The following KCNH8 variants were observed in gnomAD, a reference collection of about 807,000 sequenced individuals.
The protein encoded by KCNH8 is voltage-gated delayed rectifier potassium channel KCNH8.
Under a neutral mutation model 103.6 loss-of-function variants are expected in KCNH8, and 70 were observed. The observed-to-expected ratio is 0.68, with a 90% CI of 0.56 to 0.82. KCNH8 has a LOEUF of 0.82. Among genes scored for constraint, KCNH8 ranks in the 40% least tolerant of loss-of-function variants. The pLI is 0.00. For synonymous variants in KCNH8, 498 were observed against 489.4 expected (o/e 1.02, Z -0.23); for missense variants, 1,217 against 1,329.9 (o/e 0.92, Z 1.32).
In KCNH8 at chr3:19,347,719, C is replaced by A. The variant is rs1398657392; in HGVS notation, c.571-6C>A. ...TCCTTTCTCTCCTTTTTGTCTTCATCCACAGAATGTTTTTGTAGATAAACC... is the reference window on the plus strand; with the variant it reads ...TCCTTTCTCTCCTTTTTGTCTTCATACACAGAATGTTTTTGTAGATAAACC... On this transcript the variant is annotated splice_polypyrimidine_tract_variant and splice_region_variant and intron_variant, in intron 4 of 15. Transcript: ENST00000328405. The A allele has an allele frequency of 1.9e-6, 3 of 1,611,790 alleles. No individual in the cohort carries two copies. The highest frequency in any genetic ancestry group is 1.7e-5 in the Admixed American group (1 of 59,684).
At chr3:19,424,321 A>G (rs573589682) in intron 7 of KCNH8, among the ~76,000 whole-genome samples, 1 of 152,198 alleles carries the variant, frequency 6.6e-6, no homozygotes, top group East Asian at 1.9e-4. Context: ...CTTACAACCA[A>G]CTGATCTTCA....
intron 10 of KCNH8, among the ~76,000 whole-genome samples, chr3:19,451,812 A>T (rs1356311327): frequency 1.3e-5 from 2 of 152,182 alleles, no homozygotes; most frequent in Non-Finnish European, 2.9e-5. Context: ...ACAAAAATTA[A>T]ATTGTACCTG....
intron 11 of KCNH8, among the ~76,000 whole-genome samples, chr3:19,477,985 T>C (rs1031611950): frequency 6.6e-6 from 1 of 152,146 alleles, no homozygotes; most frequent in Non-Finnish European, 1.5e-5. Context: ...ATACCCATTG[T>C]TTAGCTCCCA....
chr3:19,239,743 G>A (rs940327450), intron 1 of KCNH8, among the ~76,000 whole-genome samples: 1 of 151,704 alleles, frequency 6.6e-6, no homozygotes, highest in African/African-American at 2.4e-5. Context: ...GCTTTATAAT[G>A]TGGCTACCTT....
chr3:19,267,288 C>T (rs2064525622), intron 2 of KCNH8, among the ~76,000 whole-genome samples: 1 of 152,030 alleles, frequency 6.6e-6, no homozygotes, highest in South Asian at 2.1e-4. Context: ...CAGAAATCCC[C>T]ATGCCTGATG....
intron 3 of KCNH8, among the ~76,000 whole-genome samples, chr3:19,322,001 A>G (rs910932040): frequency 6.6e-6 from 1 of 152,050 alleles, no homozygotes; most frequent in African/African-American, 2.4e-5. Flanking sequence ...ATATAAGAAT[A>G]GCTACTACTA....
At chr3:19,479,362 G>A (rs2068041762) in intron 11 of KCNH8, among the ~76,000 whole-genome samples, 1 of 152,052 alleles carries the variant, frequency 6.6e-6, no homozygotes, top group African/African-American at 2.4e-5. Flanking sequence ...GGATGAAATT[G>A]GAAAATGTTA....
At chr3:19,355,190 C>T (rs2065863266) in intron 5 of KCNH8, among the ~76,000 whole-genome samples, 1 of 152,202 alleles carries the variant, frequency 6.6e-6, no homozygotes, top group Non-Finnish European at 1.5e-5. Flanking sequence ...GAGGTACCAT[C>T]TCACACCAGT....
chr3:19,500,921 AAGATC>A (rs1437201576), intron 11 of KCNH8, among the ~76,000 whole-genome samples: 2 of 152,206 alleles, frequency 1.3e-5, no homozygotes, highest in Non-Finnish European at 2.9e-5. Context: ...AGAAATAACT[AAGATC>A]AGAGCAGAAC....
At chr3:19,379,780 C>T (rs948742431) in intron 5 of KCNH8, among the ~76,000 whole-genome samples, 8 of 152,138 alleles carry the variant, frequency 5.3e-5, no homozygotes, top group Non-Finnish European at 1.0e-4. Context: ...GAAAACAATT[C>T]CTTGGAATAA....
chr3:19,502,175 G>T lies in KCNH8; in HGVS notation c.2041-8188G>T, dbSNP rs907445451. 2.0e-5 allele frequency among the ~76,000 whole-genome samples: 3 copies of T among 150,366 alleles called. No homozygotes were observed. In the East Asian group the frequency reaches 5.8e-4, roughly 29 times the overall value. ...CATGAGTGAACTCCCATTCACAATT[G>T]CTTCAAAGAGAATAAAATACCTAGG... On this transcript the variant is annotated intron_variant, in intron 11 of 15. Coordinates refer to ENST00000328405, the MANE Select transcript of KCNH8 (RefSeq NM_144633.3).
intron 7 of KCNH8, among the ~76,000 whole-genome samples, chr3:19,436,969 A>G (rs776209283): frequency 2.0e-5 from 3 of 152,210 alleles, no homozygotes; most frequent in Non-Finnish European, 2.9e-5. Context: ...GGAATAAGGC[A>G]CAGTACTTGC....
In KCNH8 at chr3:19,321,735, T is replaced by G. The variant is rs551650737; in HGVS notation, c.443-20852T>G. ...TAGTTTAAGTCCATGGTTTCTTTGT[T>G]GACTTTCTGTCCTGATGACCTGTCT... On this transcript the variant is annotated intron_variant, in intron 3 of 15. Coordinates refer to ENST00000328405, the MANE Select transcript of KCNH8 (RefSeq NM_144633.3). Among the ~76,000 whole-genome samples the G allele has an allele frequency of 2.0e-5, 3 of 152,236 alleles. No individual in the cohort carries two copies. In the South Asian group the frequency reaches 6.2e-4, roughly 32 times the overall value.
At chr3:19,331,970 A>G (rs114584174) in intron 3 of KCNH8, among the ~76,000 whole-genome samples, 2,808 of 152,148 alleles carry the variant, frequency 0.018, 81 homozygotes, top group African/African-American at 0.061. Flanking sequence ...AAAATGGCCA[A>G]TATCAGAATA....
intron 5 of KCNH8, among the ~76,000 whole-genome samples, chr3:19,370,338 C>T (rs2066071409): frequency 6.6e-6 from 1 of 152,036 alleles, no homozygotes; most frequent in South Asian, 2.1e-4. Flanking sequence ...TCAGGTGCTT[C>T]ATAAATACTG....
Position 19,531,971 on chromosome 3 carries a change from CATTAT to C in KCNH8, c.2620-1423_2620-1419del, listed in dbSNP as rs1390093885. Among the ~76,000 whole-genome samples the C allele has an allele frequency of 5.3e-5, 8 of 152,298 alleles. No individual in the cohort carries two copies. The South Asian group carries it at 6.2e-4, about 12-fold the overall frequency. ...TTATAGCAATGAAGGCAAAACATTA[CATTAT>C]GTTAGTATTATGAATCTAACCAAAG... On this transcript the variant is annotated intron_variant, in intron 15 of 15. Coordinates refer to ENST00000328405, the MANE Select transcript of KCNH8 (RefSeq NM_144633.3).
chr3:19,499,896 A>G (rs1337358663), intron 11 of KCNH8, among the ~76,000 whole-genome samples: 2 of 152,146 alleles, frequency 1.3e-5, no homozygotes, highest in South Asian at 2.1e-4. Flanking sequence ...GAGCAAAATA[A>G]CCAGCTAACA....
At chr3:19,294,127 TA>T (rs1415112803) in intron 3 of KCNH8, among the ~76,000 whole-genome samples, 1 of 152,206 alleles carries the variant, frequency 6.6e-6, no homozygotes, top group African/African-American at 2.4e-5. Flanking sequence ...TGGCTTTGAA[TA>T]GAATCTCTGT....
intron 12 of KCNH8, among the ~76,000 whole-genome samples, chr3:19,512,086 T>C (rs1171085568): frequency 6.6e-6 from 1 of 152,186 alleles, no homozygotes; most frequent in Non-Finnish European, 1.5e-5. Flanking sequence ...GATTCAATTT[T>C]CAAAAAAGAC....
Sources: allele counts gnomAD v4.1 joint callset (sites outside exome capture counted in the v4.1 genomes callset), GRCh38; gene constraint gnomAD v4.1.1; transcripts MANE v1.5; gene names NCBI Gene and HGNC (gene_info 2026-07-23, HGNC 2026-07-21).